The following CSMD2 variants were observed in gnomAD, a reference collection of about 807,000 sequenced individuals.
CSMD2 encodes CUB and sushi domain-containing protein 2.
In CSMD2, 130 loss-of-function variants were observed where a neutral mutation model predicts 398.5. The ratio of observed to expected loss-of-function variants is 0.33; its 90% confidence interval spans 0.28 to 0.38. The LOEUF (loss-of-function observed/expected upper bound fraction) is 0.38. Among genes scored for constraint, CSMD2 ranks in the 10% least tolerant of loss-of-function variants. The pLI, the probability that CSMD2 is intolerant of heterozygous loss-of-function variation, is 1.00. For missense variants in CSMD2, 3,829 were observed against 4,764.9 expected (o/e 0.80, Z 5.78); for synonymous variants, 1,828 against 1,908.5 (o/e 0.96, Z 1.10).
intron 25 of CSMD2, among the ~76,000 whole-genome samples, chr1:33,689,818 G>A (rs1327015192): frequency 6.6e-6 from 1 of 152,214 alleles, no homozygotes; most frequent in Non-Finnish European, 1.5e-5. Flanking sequence ...GAAAACAAAA[G>A]GATGGAAAGA....
At chr1:34,135,618 A>T (rs1638662409) in intron 1 of CSMD2, among the ~76,000 whole-genome samples, 1 of 1,374 alleles carries the variant, frequency 7.3e-4, no homozygotes, top group East Asian at 0.029. Flanking sequence ...CTCCATCTCA[A>T]AAAAAAAAAA....
chr1:33,777,802 C>T (rs1652197580), intron 12 of CSMD2, among the ~76,000 whole-genome samples: 2 of 152,182 alleles, frequency 1.3e-5, no homozygotes, highest in South Asian at 4.1e-4. Context: ...GTTTTATCCC[C>T]ATCATCTGTG....
At chr1:33,610,226 A>AT (rs11367076) in intron 41 of CSMD2, among the ~76,000 whole-genome samples, 5,182 of 144,384 alleles carry the variant, frequency 0.036, 209 homozygotes, top group African/African-American at 0.1. Context: ...CAGTGTTTAG[A>AT]TTTTTTTTTT....
chr1:34,081,989 G>A (rs1571043947), intron 2 of CSMD2, among the ~76,000 whole-genome samples: 1 of 150,850 alleles, frequency 6.6e-6, no homozygotes, highest in Non-Finnish European at 1.5e-5. Flanking sequence ...CGTCTGGGAT[G>A]TGAGGAGCCC....
intron 5 of CSMD2, among the ~76,000 whole-genome samples, chr1:33,891,474 T>C (rs1228818471): frequency 6.6e-6 from 1 of 151,644 alleles, no homozygotes; most frequent in Non-Finnish European, 1.5e-5. Flanking sequence ...GTTCAACCAC[T>C]GTGGAAGTCA....
At chr1:33,960,383 G>A (rs923386422) in intron 3 of CSMD2, among the ~76,000 whole-genome samples, 6 of 152,152 alleles carry the variant, frequency 3.9e-5, no homozygotes, top group Admixed American at 2.6e-4. Flanking sequence ...AGGTAGATTC[G>A]CTCACACAGA....
chr1:33,777,051 A>T (rs748926110), intron 12 of CSMD2, among the ~76,000 whole-genome samples: 5 of 152,134 alleles, frequency 3.3e-5, no homozygotes, highest in Non-Finnish European at 4.4e-5. Flanking sequence ...AGAAAGTGTC[A>T]GAGCTGAAGA....
In CSMD2 at chr1:33,783,793, C is replaced by T. The variant is rs367578989; in HGVS notation, c.1663+4807G>A. 2.0e-4 allele frequency among the ~76,000 whole-genome samples: 30 copies of T among 152,304 alleles called. No homozygotes were observed. The East Asian group carries it at 3.7e-3, about 19-fold the overall frequency. Reference sequence around the variant, plus strand: ...AAAAGACGTGTTGAAGTTCTGACTCCGGTACCTATAAATGTGATCTTATTT... The same window carrying T: ...AAAAGACGTGTTGAAGTTCTGACTCTGGTACCTATAAATGTGATCTTATTT... On this transcript the variant is annotated intron_variant, in intron 12 of 70. Transcript: ENST00000373381.
At position 34,110,773 on chromosome 1, in the gene CSMD2, C is replaced by A. The variant is rs144735507; in HGVS notation, c.188-21580G>T. On this transcript the variant is annotated intron_variant, in intron 1 of 70. Coordinates refer to ENST00000373381, the MANE Select transcript of CSMD2 (RefSeq NM_001281956.2). ...TGGAGAACGGGAGGAGGGAGAGGATCCAAAAAATAACTATTAGGTACTAGG... is the reference window on the plus strand; with the variant it reads ...TGGAGAACGGGAGGAGGGAGAGGATACAAAAAATAACTATTAGGTACTAGG... Among the ~76,000 whole-genome samples the A allele has an allele frequency of 5.9e-3, 902 of 151,938 alleles. 14 individuals carry two copies. The highest frequency in any genetic ancestry group is 0.021 in the African/African-American group (859 of 41,444).
intron 68 of CSMD2, among the ~76,000 whole-genome samples, chr1:33,520,237 C>A (rs150918262): frequency 5.9e-5 from 9 of 152,350 alleles, no homozygotes; most frequent in East Asian, 5.8e-4. Flanking sequence ...GAAACTCTTA[C>A]AAGGGTGCAG....
At chr1:33,859,677 G>T (rs1019976069) in intron 5 of CSMD2, among the ~76,000 whole-genome samples, 2 of 152,210 alleles carry the variant, frequency 1.3e-5, no homozygotes, top group Non-Finnish European at 2.9e-5. Flanking sequence ...AGAGGAAGGG[G>T]CAGGAGGGGG....
intron 52 of CSMD2, 66 bp from the exon 53 acceptor site, chr1:33,567,907 C>T (rs1021086937): frequency 1.1e-5 from 17 of 1,518,344 alleles, no homozygotes; most frequent in Middle Eastern, 1.8e-4. Flanking sequence ...CCCACCTCTC[C>T]CTGAGAGTAG....
At chr1:34,088,870 G>T in intron 2 of CSMD2, 107 bp downstream of exon 2, 1 of 873,202 alleles carries the variant, frequency 1.1e-6, no homozygotes. Flanking sequence ...TGAAAACAGT[G>T]GTCTTTGTTG....
chr1:34,141,527 C>T (rs2148526233), intron 1 of CSMD2, among the ~76,000 whole-genome samples: 1 of 152,246 alleles, frequency 6.6e-6, no homozygotes, highest in Non-Finnish European at 1.5e-5. Context: ...GATGGCTGGG[C>T]CTTGTGGCTA....
At chr1:33,739,578 G>A (rs1002406012) in intron 14 of CSMD2, among the ~76,000 whole-genome samples, 5 of 152,172 alleles carry the variant, frequency 3.3e-5, no homozygotes, top group African/African-American at 9.7e-5. Flanking sequence ...TATAGATCAG[G>A]CAATAAGCTA....
intron 6 of CSMD2, among the ~76,000 whole-genome samples, chr1:33,843,761 G>C (rs551060960): frequency 3.3e-5 from 5 of 152,318 alleles, no homozygotes; most frequent in East Asian, 3.9e-4. Context: ...GGATGGGAGA[G>C]AGAGAGGAGA....
chr1:33,961,800 C>G (rs765857388), intron 3 of CSMD2, among the ~76,000 whole-genome samples: 3 of 152,152 alleles, frequency 2.0e-5, no homozygotes, highest in Non-Finnish European at 2.9e-5. Context: ...TCACCTTCCC[C>G]CATGACTGTA....
chr1:33,931,805 A>G (rs1156293274), intron 4 of CSMD2, among the ~76,000 whole-genome samples: 1 of 152,200 alleles, frequency 6.6e-6, no homozygotes, highest in Non-Finnish European at 1.5e-5. Context: ...AAGAGCCACT[A>G]AGGGACTGAG....
chr1:34,052,280 A>C (rs765952465), intron 2 of CSMD2, among the ~76,000 whole-genome samples: 2 of 151,836 alleles, frequency 1.3e-5, no homozygotes, highest in African/African-American at 4.8e-5. Flanking sequence ...AATATTAATA[A>C]AAATAATAAA....
Sources: gnomAD v4.1 joint callset for allele counts (sites outside exome capture counted in the v4.1 genomes callset) on GRCh38, gnomAD v4.1.1 for gene constraint, MANE v1.5 for transcripts, NCBI Gene and HGNC (gene_info 2026-07-23, HGNC 2026-07-21) for gene names.